NEBL: variants seen among roughly 807,000 people sequenced by gnomAD.
NEBL encodes the protein LIM and SH3 protein 2.
A neutral mutation model predicts 140.2 loss-of-function variants in NEBL; 122 were observed. The ratio of observed to expected loss-of-function variants is 0.87; its 90% CI spans 0.75 to 1.01. The LOEUF is 1.01. NEBL is among the 50% of genes least tolerant of loss of function. The pLI, the probability that NEBL is intolerant of heterozygous loss-of-function variation, is 0.00. For synonymous variants in NEBL, 436 were observed against 398.9 expected (o/e 1.09, Z -1.11); for missense variants, 1,365 against 1,231.3 (o/e 1.11, Z -1.62).
At chr10:20,981,053 G>A (rs984045061) in intron 3 of NEBL, among the ~76,000 whole-genome samples, 8 of 152,036 alleles carry the variant, frequency 5.3e-5, no homozygotes, top group Non-Finnish European at 1.0e-4. Context: ...GCCTCACAAA[G>A]TGCAGTGATT....
rs1833940235 is a variant in NEBL, at chr10:21,034,574, T to G, written c.165-14373A>C. 2.0e-5 allele frequency among the ~76,000 whole-genome samples: 3 copies of G among 152,226 alleles called. No homozygotes were observed. In the South Asian group the frequency reaches 6.2e-4, roughly 32 times the overall value. The stretch of plus-strand genomic sequence containing the variant: ...CAGATCAGTTATTTCCTAACTTGTA[T>G]GACTACAAAAGCAATTTCAACAGAC... On this transcript the variant is annotated intron_variant, in intron 2 of 6. Transcript: ENST00000417816.
At chr10:21,230,239 G>C (rs771273979) in intron 3 of NEBL, among the ~76,000 whole-genome samples, 1 of 152,084 alleles carries the variant, frequency 6.6e-6, no homozygotes, top group Non-Finnish European at 1.5e-5. Flanking sequence ...AGCTGGATTT[G>C]AATCTCCCTT....
At chr10:21,005,917 G>A (rs1740051816) in intron 3 of NEBL, among the ~76,000 whole-genome samples, 1 of 149,038 alleles carries the variant, frequency 6.7e-6, no homozygotes, top group Non-Finnish European at 1.5e-5. Flanking sequence ...ACCAATGTTA[G>A]TAACCTGGAA....
At chr10:20,944,471 C>T (rs568584651) in intron 4 of NEBL, among the ~76,000 whole-genome samples, 3 of 152,306 alleles carry the variant, frequency 2.0e-5, no homozygotes, top group Admixed American at 2.0e-4. Context: ...GAACACCCCA[C>T]ATTGCAGACA....
intron 3 of NEBL, among the ~76,000 whole-genome samples, chr10:21,193,124 G>C (rs1294382735): frequency 6.6e-6 from 1 of 152,072 alleles, no homozygotes; most frequent in East Asian, 1.9e-4. Flanking sequence ...ATGCTCCCAG[G>C]ATGTAGCAAC....
intron 3 of NEBL, among the ~76,000 whole-genome samples, chr10:21,196,296 C>G (rs182124129): frequency 6.7e-6 from 1 of 149,984 alleles, no homozygotes; most frequent in Non-Finnish European, 1.5e-5. Context: ...GCCACCACGC[C>G]GGGCCTATAT....
intron 1 of NEBL, among the ~76,000 whole-genome samples, chr10:21,257,529 A>G (rs1222193691): frequency 6.6e-6 from 1 of 152,230 alleles, no homozygotes; most frequent in Non-Finnish European, 1.5e-5. Flanking sequence ...GGAACTGAAA[A>G]ACACTAAAAA....
At chr10:21,010,922 A>G (rs1051804446) in intron 3 of NEBL, among the ~76,000 whole-genome samples, 8 of 152,100 alleles carry the variant, frequency 5.3e-5, no homozygotes, top group African/African-American at 1.9e-4. Flanking sequence ...AATCTATGTG[A>G]CCTCCCAATT....
chr10:21,105,402 G>A (rs1049588537), intron 2 of NEBL, among the ~76,000 whole-genome samples: 1 of 151,658 alleles, frequency 6.6e-6, no homozygotes, highest in African/African-American at 2.4e-5. Context: ...TGTTCTCATT[G>A]TTCAACTTCC....
At chr10:21,076,620 T>C (rs1367771296) in intron 2 of NEBL, among the ~76,000 whole-genome samples, 1 of 151,998 alleles carries the variant, frequency 6.6e-6, no homozygotes, top group Non-Finnish European at 1.5e-5. Context: ...CACGTGTCCA[T>C]CAATGAATGA....
rs373748632 is a variant in NEBL at position 20,828,515 on chromosome 10, G to T, written c.1776+15C>A. On this transcript the variant is annotated intron_variant, in intron 17 of 27. Coordinates refer to ENST00000377122, the MANE Select transcript of NEBL (RefSeq NM_006393.3). ...ATTTCAAGGTGGCAACTTAAAAGAA[G>T]TAATGGCTACTCACCGCACTAATGT... 1 of 1,514,630 alleles carries T rather than the reference G, an allele frequency of 6.6e-7. No homozygotes were observed. The highest frequency in any genetic ancestry group is 9.2e-7 in the Non-Finnish European group (1 of 1,090,142). The allele number at this position is 1,514,630 out of a possible 1,614,324, so 93.8% of individuals were successfully genotyped here.
At chr10:21,046,772 T>A (rs1834537074) in intron 2 of NEBL, among the ~76,000 whole-genome samples, 1 of 152,060 alleles carries the variant, frequency 6.6e-6, no homozygotes, top group Non-Finnish European at 1.5e-5. Context: ...GACTAATTTT[T>A]TTTATATTGT....
intron 2 of NEBL, among the ~76,000 whole-genome samples, chr10:21,101,787 C>A (rs1480186406): frequency 6.6e-6 from 1 of 152,166 alleles, no homozygotes; most frequent in Non-Finnish European, 1.5e-5. Flanking sequence ...CAAATGAGCT[C>A]AATAAGTGGA....
chr10:21,267,962 A>T (rs528634303), intron 1 of NEBL, among the ~76,000 whole-genome samples: 15 of 152,184 alleles, frequency 9.9e-5, no homozygotes, highest in Non-Finnish European at 1.5e-4. Flanking sequence ...ATGTATGTGT[A>T]TGATGTGAAT....
At chr10:20,813,555 T>C (rs1261847823) in intron 23 of NEBL, among the ~76,000 whole-genome samples, 2 of 152,182 alleles carry the variant, frequency 1.3e-5, no homozygotes, top group African/African-American at 2.4e-5. Context: ...CATCTGATAA[T>C]ATAATTTTTA....
chr10:21,006,564 T>C (rs1838147888), intron 3 of NEBL, among the ~76,000 whole-genome samples: 1 of 152,178 alleles, frequency 6.6e-6, no homozygotes, highest in African/African-American at 2.4e-5. Flanking sequence ...TGCTAAAGCT[T>C]GAGACTTTCT....
In NEBL at chr10:21,042,832, T is replaced by C. The variant is rs183737432; in HGVS notation, c.165-22631A>G. Among the ~76,000 whole-genome samples the C allele has an allele frequency of 9.8e-5, 15 of 152,366 alleles. 1 individual carries two copies. The highest frequency in any genetic ancestry group is 3.4e-4 in the African/African-American group (14 of 41,586). ...CATGATAAGAAGTACACATTCATTTTGATTAACAAAAACAAATGGCTTTCA... is the reference window on the plus strand; with the variant it reads ...CATGATAAGAAGTACACATTCATTTCGATTAACAAAAACAAATGGCTTTCA... On this transcript the variant is annotated intron_variant, in intron 2 of 6. Coordinates refer to the NEBL transcript ENST00000417816.
intron 2 of NEBL, among the ~76,000 whole-genome samples, chr10:21,140,186 A>G (rs1348409512): frequency 1.3e-5 from 2 of 151,960 alleles, no homozygotes; most frequent in East Asian, 3.8e-4. Context: ...TAATAATAAT[A>G]TATAAGGTGT....
intron 24 of NEBL, among the ~76,000 whole-genome samples, chr10:20,812,310 G>C (rs1166978182): frequency 6.6e-6 from 1 of 152,008 alleles, no homozygotes; most frequent in African/African-American, 2.4e-5. Context: ...GCTTAACAAG[G>C]AGGAACATTC....
Sources: allele counts gnomAD v4.1 joint callset (sites outside exome capture counted in the v4.1 genomes callset), GRCh38; gene constraint gnomAD v4.1.1; transcripts MANE v1.5; gene names NCBI Gene and HGNC (gene_info 2026-07-23, HGNC 2026-07-21).